Variants in NRG3 observed in about 807,000 individuals in gnomAD.
NRG3 encodes neuregulin 3.
NRG3 carries 31 observed loss-of-function variants against 66.9 expected under a neutral mutation model. The ratio of observed to expected loss-of-function variants is 0.46; its 90% CI spans 0.35 to 0.63. The LOEUF (loss-of-function observed/expected upper bound fraction) is 0.63. Ranked by LOEUF, NRG3 falls within the 20% of genes least tolerant of loss-of-function variation. The probability of loss-of-function intolerance (pLI) is 0.00; values close to 1 mark genes in which losing one functional copy is unlikely to be tolerated. For synonymous variants in NRG3, 393 were observed against 359.4 expected (o/e 1.09, Z -1.06); for missense variants, 910 against 878.9 (o/e 1.04, Z -0.45).
chr10:81,945,448 A>G (rs1432970271), intron 1 of NRG3, among the ~76,000 whole-genome samples: 1 of 152,122 alleles, frequency 6.6e-6, no homozygotes. Context: ...ACTGAGTTAC[A>G]TTTTGTCTTC....
intron 3 of NRG3, among the ~76,000 whole-genome samples, chr10:82,816,656 C>A (rs2061718524): frequency 6.6e-6 from 1 of 152,162 alleles, no homozygotes; most frequent in African/African-American, 2.4e-5. Context: ...CTGTCTGCCT[C>A]CTACTTCCTT....
At chr10:82,540,715 C>T (rs974828458) in intron 2 of NRG3, among the ~76,000 whole-genome samples, 5 of 151,860 alleles carry the variant, frequency 3.3e-5, no homozygotes, top group African/African-American at 1.2e-4. Flanking sequence ...ATAATGGAAG[C>T]CAGTTTTCTC....
intron 6 of NRG3, among the ~76,000 whole-genome samples, chr10:82,970,009 G>A (rs915311935): frequency 6.6e-6 from 1 of 151,938 alleles, no homozygotes; most frequent in East Asian, 1.9e-4. Flanking sequence ...TCTTTTCAAT[G>A]GCTGTGTAGT....
chr10:82,137,069 A>T (rs114788540), intron 1 of NRG3, among the ~76,000 whole-genome samples: 1 of 152,016 alleles, frequency 6.6e-6, no homozygotes, highest in African/African-American at 2.4e-5. Flanking sequence ...TCTTGTGTGG[A>T]TAGTTGTTCA....
chr10:82,173,982 GT>G (rs753523428), intron 1 of NRG3, among the ~76,000 whole-genome samples: 1 of 152,004 alleles, frequency 6.6e-6, no homozygotes, highest in Non-Finnish European at 1.5e-5. Flanking sequence ...TTCAAATTAT[GT>G]TTTTAGGTTT....
At chr10:82,854,430 T>G (rs2063710082) in intron 3 of NRG3, among the ~76,000 whole-genome samples, 1 of 152,160 alleles carries the variant, frequency 6.6e-6, no homozygotes, top group Non-Finnish European at 1.5e-5. Flanking sequence ...CTTGGAGTTT[T>G]GGGGAAAAGG....
At chr10:82,337,618 T>C (rs972847779) in intron 1 of NRG3, among the ~76,000 whole-genome samples, 1 of 152,254 alleles carries the variant, frequency 6.6e-6, no homozygotes, top group African/African-American at 2.4e-5. Context: ...TGACTATTCC[T>C]ATTTCTCCAC....
chr10:82,346,959 T>C (rs1589797949), intron 1 of NRG3, among the ~76,000 whole-genome samples: 1 of 152,172 alleles, frequency 6.6e-6, no homozygotes, highest in East Asian at 1.9e-4. Flanking sequence ...TCTCTCTTTT[T>C]TTCTTTATTA....
chr10:82,308,286 A>G (rs2080852183), intron 1 of NRG3, among the ~76,000 whole-genome samples: 1 of 152,030 alleles, frequency 6.6e-6, no homozygotes, highest in Non-Finnish European at 1.5e-5. Context: ...GCAGGGTTCC[A>G]CCATGTTGGC....
chr10:82,401,079 T>C (rs955394946), intron 2 of NRG3, among the ~76,000 whole-genome samples: 3 of 152,098 alleles, frequency 2.0e-5, no homozygotes, highest in African/African-American at 7.2e-5. Context: ...TCCACCACCG[T>C]CTCTGCCACT....
chr10:82,342,731 T>C (rs1233700859), intron 1 of NRG3, among the ~76,000 whole-genome samples: 1 of 152,052 alleles, frequency 6.6e-6, no homozygotes, highest in Non-Finnish European at 1.5e-5. Context: ...GTTTACTGTA[T>C]TTATCATTTA....
At chr10:82,627,968 A>T (rs1448974670) in intron 2 of NRG3, among the ~76,000 whole-genome samples, 1 of 152,176 alleles carries the variant, frequency 6.6e-6, no homozygotes, top group Admixed American at 6.6e-5. Context: ...CAGCAGCCAG[A>T]TGAGGTGTGT....
chr10:82,879,013 A>G (rs970208380), intron 4 of NRG3, among the ~76,000 whole-genome samples: 4 of 152,216 alleles, frequency 2.6e-5, no homozygotes, highest in South Asian at 4.1e-4. Context: ...CTCATAATAA[A>G]TAATTCAATT....
At chr10:82,932,069 T>C (rs1233876344) in intron 4 of NRG3, among the ~76,000 whole-genome samples, 1 of 152,180 alleles carries the variant, frequency 6.6e-6, no homozygotes, top group Non-Finnish European at 1.5e-5. Flanking sequence ...ACAGGGATCT[T>C]GTGCAGCATC....
At chr10:82,451,119 T>C (rs1590177819) in intron 2 of NRG3, among the ~76,000 whole-genome samples, 1 of 152,314 alleles carries the variant, frequency 6.6e-6, no homozygotes, top group Non-Finnish European at 1.5e-5. Flanking sequence ...GTCTAGGTGC[T>C]GTAAACAATT....
intron 1 of NRG3, among the ~76,000 whole-genome samples, chr10:82,089,013 C>A (rs1039247426): frequency 5.3e-5 from 8 of 151,104 alleles, no homozygotes; most frequent in Non-Finnish European, 1.0e-4. Flanking sequence ...TGTAAAGAAT[C>A]AACAAAGTAT....
At chr10:82,368,906 G>A (rs1403112634) in intron 2 of NRG3, among the ~76,000 whole-genome samples, 3 of 138,230 alleles carry the variant, frequency 2.2e-5, no homozygotes, top group Non-Finnish European at 4.4e-5. Context: ...CTCAAAACAG[G>A]ATAAAGATGG....
intron 4 of NRG3, among the ~76,000 whole-genome samples, chr10:82,913,904 A>G (rs1173163319): frequency 6.6e-6 from 1 of 151,998 alleles, no homozygotes; most frequent in African/African-American, 2.4e-5. Flanking sequence ...TTTTCTCTTG[A>G]TTTTCCTTCT....
intron 1 of NRG3, among the ~76,000 whole-genome samples, chr10:82,291,514 A>C (rs1277916452): frequency 6.6e-6 from 1 of 152,212 alleles, no homozygotes; most frequent in Non-Finnish European, 1.5e-5. Flanking sequence ...TAGTTAAAAC[A>C]ATGTTGAAAA....
Sources: gnomAD v4.1 joint callset for allele counts (sites outside exome capture counted in the v4.1 genomes callset) on GRCh38, gnomAD v4.1.1 for gene constraint, MANE v1.5 for transcripts, NCBI Gene and HGNC (gene_info 2026-07-23, HGNC 2026-07-21) for gene names.